Variants in SLX4 observed in about 807,000 individuals in gnomAD.
SLX4 encodes SLX4 structure-specific endonuclease subunit.
Under a neutral mutation model 146.2 loss-of-function variants are expected in SLX4, and 112 were observed. The observed-to-expected ratio is 0.77, with a 90% CI of 0.66 to 0.90. SLX4 has a LOEUF of 0.90. Among genes scored for constraint, SLX4 ranks in the 40% least tolerant of loss-of-function variants. The probability of loss-of-function intolerance (pLI) is 0.00; values close to 1 mark genes in which losing one functional copy is unlikely to be tolerated. For synonymous variants in SLX4, 1,061 were observed against 997.7 expected, an observed-to-expected ratio of 1.06 and a Z score of -1.20; for missense variants, 2,563 against 2,392.7, an observed-to-expected ratio of 1.07 and a Z score of -1.49.
Position 3,590,917 on chromosome 16 carries a change from C to A in SLX4, c.2721G>T (p.Glu907Asp), listed in dbSNP as rs141450907. The stretch of plus-strand genomic sequence containing the variant: ...CCTCATCTCTTCCTGGCTCCAACGG[C>A]TCCATCTCCTCCACCTTGTCCCACT... ...QKQWDKVEEM[E>D]PLEPGRDEAA... Residue 907 changes from glutamate to aspartate, a missense_variant, in exon 12 of 15, where the codon GAG becomes GAT. Transcript: ENST00000294008. This position sits in a 1 kb window ranked among gnomAD's most constrained non-coding sequence, Gnocchi z 4.8. 3 of 1,614,056 alleles carry A rather than the reference C, an allele frequency of 1.9e-6. No homozygotes were observed. Among genetic ancestry groups the A allele is most frequent in the Non-Finnish European group, 2.5e-6 (3 of 1,180,032 alleles).
rs779981907 is a variant in SLX4, at chr16:3,589,763, G to C, written c.3875C>G (p.Pro1292Arg). The C allele has an allele frequency of 6.2e-7, 1 of 1,613,604 alleles. No homozygotes were observed. The highest frequency in any genetic ancestry group is 8.5e-7 in the Non-Finnish European group (1 of 1,180,036). The change falls in exon 12 of 15, where the codon CCC becomes CGC. Residue 1292 changes from proline (P) to arginine (R), a missense_variant. By Grantham distance (103) the Pro-to-Arg change is moderately radical (BLOSUM62 -2). Transcript: ENST00000294008. This position sits in a 1 kb window ranked among gnomAD's most constrained non-coding sequence, Gnocchi z 6.2. ...LAVQAVTQHT[P>R]RASVGNREGN... is the part of the protein sequence containing the mutation. ...TTCCCTGTTTCCTACTGAGGCCCTG[G>C]GCGTGTGCTGAGTCACCGCCTGCAC...
In SLX4 at chr16:3,596,006, A is replaced by G. The variant is rs1315359601; in HGVS notation, c.1924+147T>C. The G allele has an allele frequency of 6.2e-6, 8 of 1,281,866 alleles. No homozygotes were observed. In the Admixed American group the frequency reaches 2.3e-4, roughly 36 times the overall value. 79.4% of individuals were successfully genotyped at this position (1,281,866 alleles called of 1,614,324 possible). A position where few individuals can be genotyped will look rare whatever the true frequency, so the allele number is the denominator to read the frequency against. ...ACACCACATTGACCTTTGAGAAAAA[A>G]TGAAAGCGCCCAGAGGCTGCGTGTT... On this transcript the variant is annotated intron_variant, in intron 8 of 14. Transcript: ENST00000294008.
intron 12 of SLX4, 78 bp downstream of exon 12, chr16:3,588,924 C>T: frequency 6.3e-7 from 1 of 1,587,178 alleles, no homozygotes. Flanking sequence ...CCCTGGGTCT[C>T]ATGACTGATC....
intron 9 of SLX4, among the ~76,000 whole-genome samples, chr16:3,595,172 C>T (rs1441256608): frequency 6.6e-6 from 1 of 152,232 alleles, no homozygotes. Flanking sequence ...GGCCAGGCTG[C>T]TCAGCTGTGC....
chr16:3,591,628 G>C (rs1485339544), intron 11 of SLX4, among the ~76,000 whole-genome samples: 1 of 152,196 alleles, frequency 6.6e-6, no homozygotes, highest in African/African-American at 2.4e-5. Context: ...TGCCTCAGAG[G>C]CTCTTAAGAT....
intron 5 of SLX4, chr16:3,600,562 GCT>G: frequency 4.9e-6 from 1 of 203,518 alleles, no homozygotes; most frequent in Non-Finnish European, 9.7e-6. Context: ...ATCAAAGAGG[GCT>G]CTTTTTCCCT....
In SLX4 at chr16:3,583,208, G is replaced by A. The variant is rs530123827; in HGVS notation, c.5042C>T (p.Ser1681Leu). ...HHESITPPSR[S>L]PTKEAPPGLN... ...GCCTGGAGGTGCCTCCTTGGTGGGC[G>A]ACCTGCTTGGGGGTGTGATGCTTTC... is the stretch of plus-strand genomic sequence containing the variant. The change falls in exon 14 of 15, where the codon TCG becomes TTG. Residue 1681 changes from serine to leucine, a missense_variant. Ser to Leu is a moderately radical substitution (Grantham distance 145, BLOSUM62 -2). Coordinates refer to ENST00000294008, the MANE Select transcript of SLX4 (RefSeq NM_032444.4). 18 of 1,614,068 alleles carry A rather than the reference G, an allele frequency of 1.1e-5. 1 individual carries two copies. The highest frequency in any genetic ancestry group is 4.4e-5 in the South Asian group (4 of 91,078).
At position 3,602,118 on chromosome 16, in the gene SLX4, C is replaced by A; in HGVS notation, c.950G>T (p.Arg317Met). The change falls in exon 4 of 15, where the codon AGG (arginine) becomes ATG (methionine). Residue 317 changes from arginine (R) to methionine (M), a missense_variant and splice_region_variant. Arg to Met is a moderately conservative substitution (Grantham distance 91). Coordinates refer to ENST00000294008, the MANE Select transcript of SLX4 (RefSeq NM_032444.4). ...NVTRREQHVN[R>M]CLDEAEKTLR... ...AGGCGACGGCCCAAGCTGCCCCCAC[C>A]TGTTCACATGCTGTTCCCTTCGGGT... is the stretch of plus-strand genomic sequence containing the variant. 1 of 1,614,126 alleles carries A rather than the reference C, an allele frequency of 6.2e-7. No homozygotes were observed. The highest frequency in any genetic ancestry group is 8.5e-7 in the Non-Finnish European group (1 of 1,180,036).
At chr16:3,585,085 T>A (rs1308035395) in intron 12 of SLX4, among the ~76,000 whole-genome samples, 1 of 152,096 alleles carries the variant, frequency 6.6e-6, no homozygotes, top group African/African-American at 2.4e-5. Flanking sequence ...ACACCTTGTA[T>A]AACACGGGTG....
Position 3,597,523 on chromosome 16 carries a change from C to G in SLX4, c.1539G>C (p.Trp513Cys). 3 of 1,614,138 alleles carry G rather than the reference C, an allele frequency of 1.9e-6. No homozygotes were observed. Among genetic ancestry groups the G allele is most frequent in the South Asian group, 1.1e-5 (1 of 91,082 alleles). The change falls in exon 7 of 15, where the codon TGG becomes TGC. Residue 513 changes from tryptophan to cysteine, a missense_variant. Trp to Cys is a radical substitution (Grantham distance 215, BLOSUM62 -2). Coordinates refer to ENST00000294008, the MANE Select transcript of SLX4 (RefSeq NM_032444.4). The surrounding 1 kb of genome is among the most constrained non-coding windows in gnomAD (Gnocchi z 4.4). ...LPASRILKEG[W>C]ERAGQCPPPP... ...GAGGAGGACACTGGCCCGCTCTTTCCCACCCTTCCTTTAAAATCCTGCTGG... is the reference window on the plus strand; with the variant it reads ...GAGGAGGACACTGGCCCGCTCTTTCGCACCCTTCCTTTAAAATCCTGCTGG...
chr16:3,594,190 G>A (rs557102674), intron 10 of SLX4, among the ~76,000 whole-genome samples: 9 of 152,266 alleles, frequency 5.9e-5, no homozygotes, highest in African/African-American at 2.2e-4. Flanking sequence ...TCATTCAACA[G>A]AACGAAAACA....
intron 5 of SLX4, 173 bp downstream of exon 5, chr16:3,600,806 G>A: frequency 3.1e-6 from 2 of 653,762 alleles, no homozygotes; most frequent in Non-Finnish European, 5.4e-6. Flanking sequence ...ATGTCGGCCA[G>A]GCTGGTATCG....
At chr16:3,596,510 G>A (rs940836333) in intron 7 of SLX4, 117 bp from the exon 8 acceptor site, 1 of 1,282,872 alleles carries the variant, frequency 7.8e-7, no homozygotes, top group East Asian at 2.5e-5. Flanking sequence ...CAGGATGTGG[G>A]CTGTGGGGAC....
rs2040679198 is a variant in SLX4 at position 3,597,672 on chromosome 16, G to T, written c.1390C>A (p.Pro464Thr). The T allele has an allele frequency of 1.2e-6, 2 of 1,613,466 alleles. No homozygotes were observed. Among genetic ancestry groups the T allele is most frequent in the Non-Finnish European group, 1.7e-6 (2 of 1,179,790 alleles). ...AACAACAATGGGGGGGATACCGGGG[G>T]TTTCTTCTTGCGACTTTTATTCTCT... is the stretch of plus-strand genomic sequence containing the variant. ...EAENKSRKKKPPVSPPLLLVQ... is the reference protein window; with the variant it reads ...EAENKSRKKKTPVSPPLLLVQ... Residue 464 changes from proline (P) to threonine (T), a missense_variant, in exon 7 of 15, where the codon CCC (proline) becomes ACC (threonine). By Grantham distance (38) the Pro-to-Thr change is conservative. Coordinates refer to ENST00000294008, the MANE Select transcript of SLX4 (RefSeq NM_032444.4). The surrounding 1 kb of genome is among the most constrained non-coding windows in gnomAD (Gnocchi z 4.4).
rs149626570 is a variant in SLX4 at position 3,608,599 on chromosome 16, C to G, written c.366G>C (p.Lys122Asn). Reference sequence around the variant, plus strand: ...TTGCTTGCCATTTGGTTACCCTTTGCTTTTTAGTCCTAGGGGCCTGGCTGC... The same window carrying G: ...TTGCTTGCCATTTGGTTACCCTTTGGTTTTTAGTCCTAGGGGCCTGGCTGC... Reference protein sequence around the residue: ...PSGSQAPRTKKQRVTKWQASE... With the variant: ...PSGSQAPRTKNQRVTKWQASE... The change falls in exon 2 of 15, where the codon AAG becomes AAC. Residue 122 changes from lysine to asparagine, a missense_variant. Coordinates refer to ENST00000294008, the MANE Select transcript of SLX4 (RefSeq NM_032444.4). 1 of 1,614,162 alleles carries G rather than the reference C, an allele frequency of 6.2e-7. No individual in the cohort carries two copies. The highest frequency in any genetic ancestry group is 8.5e-7 in the Non-Finnish European group (1 of 1,180,028).
intron 12 of SLX4, 108 bp from the exon 13 acceptor site, chr16:3,584,979 G>A: frequency 1.2e-6 from 1 of 868,456 alleles, no homozygotes; most frequent in Non-Finnish European, 2.0e-6. Flanking sequence ...GATAACCCAA[G>A]CATCGTTTTG....
chr16:3,600,891 C>T, intron 5 of SLX4, 88 bp downstream of exon 5: 2 of 1,420,476 alleles, frequency 1.4e-6, no homozygotes, highest in Non-Finnish European at 2.0e-6. Context: ...CTACTGCGTC[C>T]AGCCCATAAA....
At chr16:3,605,395 A>C (rs1247008541) in intron 3 of SLX4, among the ~76,000 whole-genome samples, 1 of 151,144 alleles carries the variant, frequency 6.6e-6, no homozygotes, top group East Asian at 2.0e-4. Flanking sequence ...GGCCCCTAAA[A>C]TTTTTTTGTA....
chr16:3,601,423 G>A lies in SLX4; in HGVS notation c.951-232C>T, dbSNP rs60163083. ...AAGGAAAGATTAAATGCAGTTACATGATGACTTAGAAATTCCACTCCTAAG... is the reference window on the plus strand; with the variant it reads ...AAGGAAAGATTAAATGCAGTTACATAATGACTTAGAAATTCCACTCCTAAG... On this transcript the variant is annotated intron_variant, in intron 4 of 14. Transcript: ENST00000294008. The A allele has an allele frequency of 0.03, 17,099 of 563,344 alleles. 631 individuals are homozygous for A. Among genetic ancestry groups the A allele is most frequent in the South Asian group, 0.12 (6,035 of 50,716 alleles). The allele number at this position is 563,344 out of a possible 1,614,324, so 34.9% of individuals were successfully genotyped here. A position where few individuals can be genotyped will look rare whatever the true frequency, so the allele number is the denominator to read the frequency against.
Sources: allele counts gnomAD v4.1 joint callset (sites outside exome capture counted in the v4.1 genomes callset), GRCh38; gene constraint gnomAD v4.1.1; non-coding constraint Gnocchi (gnomAD v3.1); transcripts MANE v1.5; gene names NCBI Gene and HGNC (gene_info 2026-07-23, HGNC 2026-07-21).